Variants in SOX6 observed in about 807,000 individuals in gnomAD.
SOX6 encodes the protein SRY-box transcription factor 6, also known as transcription factor SOX-6.
SOX6 carries 11 observed loss-of-function variants against 97.8 expected under a neutral mutation model. The observed-to-expected ratio is 0.11, with a 90% CI of 0.07 to 0.19. The LOEUF is 0.19. Among genes scored for constraint, SOX6 ranks in the 10% least tolerant of loss-of-function variants. The pLI, the probability that SOX6 is intolerant of heterozygous loss-of-function variation, is 1.00. For missense variants in SOX6, 810 were observed against 1,039.5 expected (o/e 0.78, Z 3.04); for synonymous variants, 360 against 371.4 (o/e 0.97, Z 0.35).
intron 13 of SOX6, among the ~76,000 whole-genome samples, chr11:15,993,286 G>A (rs1051531866): frequency 1.3e-5 from 2 of 151,994 alleles, no homozygotes; most frequent in African/African-American, 4.8e-5. Flanking sequence ...ATTTCATTCT[G>A]CTCCATTCAT....
At chr11:16,717,467 C>G (rs1170559578) in intron 2 of SOX6, among the ~76,000 whole-genome samples, 1 of 152,032 alleles carries the variant, frequency 6.6e-6, no homozygotes, top group Non-Finnish European at 1.5e-5. Context: ...AAATGTTATT[C>G]ATTTTTCTAT....
At chr11:16,233,279 G>A (rs1003993268) in intron 4 of SOX6, among the ~76,000 whole-genome samples, 4 of 152,092 alleles carry the variant, frequency 2.6e-5, no homozygotes, top group African/African-American at 9.7e-5. Flanking sequence ...TGACAAAGTT[G>A]ATGCGTGATC....
At chr11:16,114,844 GAT>G (rs35698313) in intron 6 of SOX6, among the ~76,000 whole-genome samples, 46,927 of 151,884 alleles carry the variant, frequency 0.31, 8,700 homozygotes, top group Non-Finnish European at 0.41. Context: ...AAGCTCTTCA[GAT>G]CATGAGACAA....
chr11:16,610,930 T>G lies in SOX6; in HGVS notation n.609+1151A>C, dbSNP rs543336938. Among the ~76,000 whole-genome samples the G allele has an allele frequency of 8.5e-4, 129 of 152,282 alleles. No individual in the cohort carries two copies. Among genetic ancestry groups the G allele is most frequent in the Non-Finnish European group, 1.6e-3 (108 of 68,022 alleles). ...CACGGTGGCCAGATCCAGGAACTCA[T>G]AAGCTCACATCCCCTGGGGGTTGGA... On this transcript the variant is annotated intron_variant and non_coding_transcript_variant, in intron 4 of 5. Coordinates refer to the SOX6 transcript ENST00000524520. The surrounding 1 kb of genome is among the most constrained non-coding windows in gnomAD (Gnocchi z 4.4).
intron 3 of SOX6, among the ~76,000 whole-genome samples, chr11:16,617,800 G>GA (rs773890135): frequency 3.0e-4 from 45 of 151,406 alleles, no homozygotes; most frequent in African/African-American, 9.2e-4. Flanking sequence ...AGTACATTCT[G>GA]AAAAAAAAGT....
At chr11:16,482,636 C>T (rs2133125628) in intron 4 of SOX6, among the ~76,000 whole-genome samples, 1 of 152,156 alleles carries the variant, frequency 6.6e-6, no homozygotes, top group East Asian at 1.9e-4. Context: ...TCTAAATAAC[C>T]ATTGTGTGTT....
At chr11:16,145,266 T>C (rs542582337) in intron 6 of SOX6, among the ~76,000 whole-genome samples, 3 of 152,274 alleles carry the variant, frequency 2.0e-5, no homozygotes, top group African/African-American at 7.2e-5. Context: ...ATTATCTCAA[T>C]AGATGCAGAA....
chr11:16,515,355 G>C (rs1158880116), intron 4 of SOX6, among the ~76,000 whole-genome samples: 1 of 149,582 alleles, frequency 6.7e-6, no homozygotes, highest in Non-Finnish European at 1.5e-5. Flanking sequence ...CTTTTGAGAA[G>C]TGTCTGTTCA....
chr11:16,202,368 T>C (rs1156293842), intron 4 of SOX6, among the ~76,000 whole-genome samples: 1 of 152,002 alleles, frequency 6.6e-6, no homozygotes, highest in Non-Finnish European at 1.5e-5. Context: ...AAGCAAAAAC[T>C]TTCCCACATT....
upstream of SOX6, among the ~76,000 whole-genome samples, chr11:16,357,507 G>A (rs1277066268): frequency 1.3e-5 from 2 of 152,022 alleles, no homozygotes; most frequent in African/African-American, 4.8e-5. Flanking sequence ...TCTTAAAGAC[G>A]TATGTCTTTT....
At chr11:16,035,001 T>A (rs1490678218) in intron 12 of SOX6, among the ~76,000 whole-genome samples, 1 of 151,970 alleles carries the variant, frequency 6.6e-6, no homozygotes. Context: ...TAAATGCACA[T>A]ACACACACAA....
At chr11:16,374,530 GA>G (rs760118358) in intron 1 of SOX6, among the ~76,000 whole-genome samples, 7 of 151,908 alleles carry the variant, frequency 4.6e-5, no homozygotes, top group African/African-American at 1.7e-4. Flanking sequence ...TTTTTAAACA[GA>G]AAAAAATAAT....
At chr11:16,417,437 C>G (rs1359086350) in intron 1 of SOX6, among the ~76,000 whole-genome samples, 1 of 152,178 alleles carries the variant, frequency 6.6e-6, no homozygotes, top group Non-Finnish European at 1.5e-5. Flanking sequence ...TACAACCCCT[C>G]AGCCAGTTCA....
chr11:15,993,387 G>A (rs1854113610), intron 13 of SOX6, among the ~76,000 whole-genome samples: 1 of 152,124 alleles, frequency 6.6e-6, no homozygotes, highest in African/African-American at 2.4e-5. Flanking sequence ...AATTCTATGA[G>A]GCAGCTTCTT....
chr11:16,304,278 C>A (rs1482959519), intron 3 of SOX6, among the ~76,000 whole-genome samples: 1 of 152,042 alleles, frequency 6.6e-6, no homozygotes, highest in Non-Finnish European at 1.5e-5. Flanking sequence ...GTGTCTCCCC[C>A]AAAATTTGTA....
intron 4 of SOX6, among the ~76,000 whole-genome samples, chr11:16,593,391 G>A (rs1848175837): frequency 6.6e-6 from 1 of 152,070 alleles, no homozygotes; most frequent in Non-Finnish European, 1.5e-5. Flanking sequence ...TTTGAACACA[G>A]CGTAAAAGTA....
At chr11:16,642,293 C>CT (rs1389607533) in intron 3 of SOX6, among the ~76,000 whole-genome samples, 7 of 152,258 alleles carry the variant, frequency 4.6e-5, no homozygotes, top group African/African-American at 1.7e-4. Flanking sequence ...GTCTGATGGA[C>CT]TTCCCTTTGT....
chr11:16,274,489 T>A (rs566900511), intron 3 of SOX6, among the ~76,000 whole-genome samples: 2 of 152,250 alleles, frequency 1.3e-5, no homozygotes, highest in Admixed American at 1.3e-4. Context: ...TTTTCATACA[T>A]TTCTGTATTG....
intron 1 of SOX6, among the ~76,000 whole-genome samples, chr11:16,350,456 C>G (rs1403885297): frequency 6.6e-6 from 1 of 152,042 alleles, no homozygotes; most frequent in Non-Finnish European, 1.5e-5. Flanking sequence ...TTAGAACTTT[C>G]AAATAATATA....
Sources: allele counts gnomAD v4.1 joint callset (sites outside exome capture counted in the v4.1 genomes callset), GRCh38; gene constraint gnomAD v4.1.1; non-coding constraint Gnocchi (gnomAD v3.1); transcripts MANE v1.5; gene names NCBI Gene and HGNC (gene_info 2026-07-23, HGNC 2026-07-21).